Variants in UPP2 observed in about 807,000 individuals in gnomAD.
The protein encoded by UPP2 is uridine phosphorylase 2.
Under a neutral mutation model 26.7 loss-of-function variants are expected in UPP2, and 23 were observed. The observed-to-expected ratio is 0.86, with a 90% CI of 0.62 to 1.22. The LOEUF (loss-of-function observed/expected upper bound fraction) is 1.22, where lower values mean the gene tolerates loss of function less well. Among genes scored for constraint, UPP2 ranks in the 50% most tolerant of loss-of-function variants. The probability of loss-of-function intolerance (pLI) is 0.00; values close to 1 mark genes in which losing one functional copy is unlikely to be tolerated. For missense variants in UPP2, 387 were observed against 396.7 expected (o/e 0.98, Z 0.21); for synonymous variants, 127 against 141.3 (o/e 0.90, Z 0.72).
At chr2:158,133,422 A>G (rs1683865468) in intron 6 of UPP2, among the ~76,000 whole-genome samples, 1 of 152,166 alleles carries the variant, frequency 6.6e-6, no homozygotes, top group Non-Finnish European at 1.5e-5. Context: ...TTCAGTTACA[A>G]GGAGGATTAA....
At chr2:158,041,826 C>T (rs1574259465) in intron 3 of UPP2, among the ~76,000 whole-genome samples, 1 of 152,124 alleles carries the variant, frequency 6.6e-6, no homozygotes, top group Non-Finnish European at 1.5e-5. Flanking sequence ...CTCCCACCTC[C>T]CCCACACTGA....
intron 6 of UPP2, among the ~76,000 whole-genome samples, chr2:158,125,988 C>T (rs1341760113): frequency 6.6e-6 from 1 of 152,148 alleles, no homozygotes; most frequent in Non-Finnish European, 1.5e-5. Context: ...ACATAAAATG[C>T]CGAGTTATCA....
intron 2 of UPP2, among the ~76,000 whole-genome samples, chr2:158,007,213 G>A (rs1444213894): frequency 1.3e-5 from 2 of 152,130 alleles, no homozygotes; most frequent in Non-Finnish European, 2.9e-5. Flanking sequence ...ATAATTCTGC[G>A]AGGCGGTGCT....
chr2:158,037,551 C>T (rs372808151), intron 3 of UPP2, among the ~76,000 whole-genome samples: 13 of 152,040 alleles, frequency 8.6e-5, no homozygotes, highest in Non-Finnish European at 1.8e-4. Flanking sequence ...CTGAGGCCTC[C>T]GAGGGAGAGT....
chr2:158,122,173 C>T (rs982973169), intron 5 of UPP2, among the ~76,000 whole-genome samples: 9 of 151,852 alleles, frequency 5.9e-5, no homozygotes, highest in Non-Finnish European at 1.0e-4. Flanking sequence ...GGATGAAGGG[C>T]CAAGGGGAAG....
chr2:158,134,725 A>G (rs751235148), intron 6 of UPP2, 23 bp from the exon 7 acceptor site: 3 of 1,579,164 alleles, frequency 1.9e-6, no homozygotes, highest in Non-Finnish European at 2.6e-6. Context: ...TCATTCCATC[A>G]GTTGTGCTAA....
intron 6 of UPP2, 22 bp downstream of exon 6, chr2:158,123,917 A>C: frequency 1.2e-6 from 2 of 1,608,312 alleles, no homozygotes; most frequent in Non-Finnish European, 1.7e-6. Context: ...GTGAATGCTT[A>C]GGGTCAAATT....
rs116831707 is a variant in UPP2, at chr2:158,079,502, G to A, written c.148-22538G>A. On this transcript the variant is annotated intron_variant, in intron 3 of 9. Transcript: ENST00000605860. ...ATTGTTATAAAATGGAAATATCTAC[G>A]TTACAGGGGGCTTGTGATGACAAAA... 3.1e-3 allele frequency among the ~76,000 whole-genome samples: 470 copies of A among 152,122 alleles called. 2 individuals are homozygous for A. The highest frequency in any genetic ancestry group is 0.011 in the African/African-American group (443 of 41,504).
At chr2:158,099,348 G>C (rs183218503), upstream of UPP2, among the ~76,000 whole-genome samples, 9 of 152,262 alleles carry the variant, frequency 5.9e-5, no homozygotes, top group Non-Finnish European at 1.0e-4. Context: ...TGGTGCTATG[G>C]GCTGAATGGA....
intron 3 of UPP2, among the ~76,000 whole-genome samples, chr2:158,031,829 A>G (rs958535730): frequency 1.3e-5 from 2 of 152,090 alleles, no homozygotes; most frequent in African/African-American, 4.8e-5. Context: ...AATCCCTTGG[A>G]TGGGTAAAAT....
intron 4 of UPP2, 25 bp from the exon 5 acceptor site, chr2:158,121,384 G>A (rs999259067): frequency 1.3e-6 from 2 of 1,586,502 alleles, no homozygotes; most frequent in East Asian, 2.2e-5. Flanking sequence ...ATATTCTTCT[G>A]TAATCATTTA....
intron 3 of UPP2, among the ~76,000 whole-genome samples, chr2:158,056,533 G>C (rs994089545): frequency 6.6e-6 from 1 of 152,192 alleles, no homozygotes; most frequent in Non-Finnish European, 1.5e-5. Context: ...AAACCAAGGT[G>C]CCAGGAAGGC....
intron 3 of UPP2, among the ~76,000 whole-genome samples, chr2:158,042,053 A>C (rs1684089024): frequency 6.6e-6 from 1 of 152,196 alleles, no homozygotes; most frequent in Non-Finnish European, 1.5e-5. Flanking sequence ...TCTTCAGTGA[A>C]TTAGGGGTCA....
intron 3 of UPP2, among the ~76,000 whole-genome samples, chr2:158,045,597 G>A (rs925756043): frequency 1.3e-5 from 2 of 152,142 alleles, no homozygotes; most frequent in Non-Finnish European, 2.9e-5. Flanking sequence ...ACCTGGAGGT[G>A]CCATGTGGTG....
At chr2:158,102,163 A>G in intron 1 of UPP2, 38 bp downstream of exon 1, 1 of 1,603,250 alleles carries the variant, frequency 6.2e-7, no homozygotes, top group Non-Finnish European at 8.5e-7. Context: ...TTTTGATCAG[A>G]TGGTTGCTCC....
At chr2:158,036,355 C>G (rs1331177514) in intron 3 of UPP2, among the ~76,000 whole-genome samples, 1 of 152,168 alleles carries the variant, frequency 6.6e-6, no homozygotes, top group African/African-American at 2.4e-5. Context: ...TTCACTACGA[C>G]TGTACCCCCG....
intron 2 of UPP2, among the ~76,000 whole-genome samples, chr2:158,110,544 T>C (rs1683297590): frequency 6.6e-6 from 1 of 152,176 alleles, no homozygotes; most frequent in African/African-American, 2.4e-5. Context: ...ATATTTCTAG[T>C]TCTAGATCCT....
At chr2:158,089,581 C>A (rs1275760842) in intron 3 of UPP2, among the ~76,000 whole-genome samples, 1 of 152,236 alleles carries the variant, frequency 6.6e-6, no homozygotes, top group Non-Finnish European at 1.5e-5. Flanking sequence ...TCTCTCTGGT[C>A]ATTTCCCAGT....
At position 158,117,892 on chromosome 2, in the gene UPP2, G is replaced by A; in HGVS notation, c.408G>A (p.Arg136=). The change falls in exon 4 of 7, where the codon CGG becomes CGA. Residue 136 remains arginine, a synonymous_variant. Transcript: ENST00000005756. The stretch of plus-strand genomic sequence containing the variant: ...TCATCAAATTACTCCACCATGCACG[G>A]TGCTGCGATGTCACCATTATTAGAA... The part of the protein sequence containing the change: ...HELIKLLHHA[R]CCDVTIIRIG... 6.2e-7 allele frequency: 1 copy of A among 1,613,044 alleles called. No homozygotes were observed. The highest frequency in any genetic ancestry group is 8.5e-7 in the Non-Finnish European group (1 of 1,179,114).
Sources: gnomAD v4.1 joint callset for allele counts (sites outside exome capture counted in the v4.1 genomes callset) on GRCh38, gnomAD v4.1.1 for gene constraint, MANE v1.5 for transcripts, NCBI Gene and HGNC (gene_info 2026-07-23, HGNC 2026-07-21) for gene names.